The following IGFL2 variants were observed in gnomAD, a reference collection of about 807,000 sequenced individuals.
IGFL2 encodes the protein IGF like family member 2.
In IGFL2, 7 loss-of-function variants were observed where a neutral mutation model predicts 13.9. The ratio of observed to expected loss-of-function variants is 0.51; its 90% CI spans 0.29 to 0.95. IGFL2 has a LOEUF of 0.95. Among genes scored for constraint, IGFL2 ranks in the 40% least tolerant of loss-of-function variants. IGFL2 has a pLI of 0.08. For missense variants in IGFL2, 138 were observed against 147.8 expected (o/e 0.93, Z 0.34); for synonymous variants, 55 against 55.8 (o/e 0.99, Z 0.07).
chr19:46,169,704 C>A, the IGFL2 span, among the ~76,000 whole-genome samples: 8 of 151,876 alleles, frequency 5.3e-5, no homozygotes, highest in Non-Finnish European at 4.4e-5. Flanking sequence ...AAAAATCAAC[C>A]AGGTGTGGTG....
the IGFL2 span, among the ~76,000 whole-genome samples, chr19:46,177,884 A>G: frequency 6.6e-6 from 1 of 152,144 alleles, no homozygotes; most frequent in African/African-American, 2.4e-5. Flanking sequence ...AAATCTGAAA[A>G]ACTAAATTCC....
the IGFL2 span, among the ~76,000 whole-genome samples, chr19:46,130,886 C>T: frequency 6.6e-6 from 1 of 152,084 alleles, no homozygotes; most frequent in Admixed American, 6.5e-5. Context: ...GTTTGTTTCT[C>T]AGTAATGCTG....
the IGFL2 span, chr19:46,137,497 CCTT>C: frequency 1.7e-6 from 2 of 1,147,298 alleles, no homozygotes; most frequent in East Asian, 4.8e-5. Context: ...TGCCCCTTCT[CCTT>C]CTCTTGCCTG....
chr19:46,082,964 G>A, the IGFL2 span, among the ~76,000 whole-genome samples: 1 of 152,080 alleles, frequency 6.6e-6, no homozygotes, highest in Non-Finnish European at 1.5e-5. Context: ...GAAAACCTCC[G>A]ATAAACATGA....
At chr19:46,166,844 ATC>A in the IGFL2 span, among the ~76,000 whole-genome samples, 1 of 152,354 alleles carries the variant, frequency 6.6e-6, no homozygotes, top group East Asian at 1.9e-4. Flanking sequence ...GTTTAAGGTT[ATC>A]TCTCTTATTC....
downstream of IGFL2, among the ~76,000 whole-genome samples, chr19:46,163,031 C>T (rs567107081): frequency 2.0e-5 from 3 of 152,286 alleles, no homozygotes; most frequent in Non-Finnish European, 4.4e-5. Flanking sequence ...TTGAAACTGA[C>T]TTCTTGTCTC....
the IGFL2 span, among the ~76,000 whole-genome samples, chr19:46,170,864 A>T: frequency 1.3e-5 from 2 of 152,192 alleles, no homozygotes; most frequent in Admixed American, 6.5e-5. Context: ...GATGTTTATC[A>T]ATGACAATGT....
the IGFL2 span, chr19:46,181,196 G>T: frequency 8.6e-5 from 9 of 104,658 alleles, no homozygotes; most frequent in Non-Finnish European, 1.8e-4. Context: ...TGTGTTTTCT[G>T]TTTTATTTAT....
the IGFL2 span, among the ~76,000 whole-genome samples, chr19:46,203,890 T>C: frequency 6.6e-6 from 1 of 152,112 alleles, no homozygotes; most frequent in Non-Finnish European, 1.5e-5. Context: ...CTAATTTTTG[T>C]ATTTTTAGTA....
chr19:46,087,815 G>C, the IGFL2 span, among the ~76,000 whole-genome samples: 4 of 152,344 alleles, frequency 2.6e-5, no homozygotes, highest in African/African-American at 9.6e-5. Context: ...GGGAATGTCA[G>C]TTGGGCTCCA....
At chr19:46,165,029 G>T (rs1042351643), downstream of IGFL2, among the ~76,000 whole-genome samples, 3 of 152,192 alleles carry the variant, frequency 2.0e-5, no homozygotes, top group African/African-American at 7.2e-5. Flanking sequence ...GGGTATTGGT[G>T]TCTTTTTATT....
At chr19:46,123,507 G>T in the IGFL2 span, among the ~76,000 whole-genome samples, 1 of 150,946 alleles carries the variant, frequency 6.6e-6, no homozygotes, top group South Asian at 2.1e-4. Flanking sequence ...ATTGTTCCCT[G>T]CATATACATA....
At chr19:46,210,636 C>G in the IGFL2 span, among the ~76,000 whole-genome samples, 1 of 152,160 alleles carries the variant, frequency 6.6e-6, no homozygotes, top group Non-Finnish European at 1.5e-5. Context: ...AGGCTGGAAG[C>G]TAAGCCAGTC....
At chr19:46,175,760 C>T in the IGFL2 span, among the ~76,000 whole-genome samples, 38 of 150,810 alleles carry the variant, frequency 2.5e-4, 2 homozygotes, top group South Asian at 6.9e-3. Context: ...AGGCTGGTCT[C>T]GAACTCCTGA....
chr19:46,130,932 A>T, the IGFL2 span, among the ~76,000 whole-genome samples: 1 of 152,100 alleles, frequency 6.6e-6, no homozygotes, highest in Non-Finnish European at 1.5e-5. Flanking sequence ...TTAAATTTTT[A>T]TGCAGCAGTG....
chr19:46,136,480 T>C, the IGFL2 span, among the ~76,000 whole-genome samples: 1 of 152,022 alleles, frequency 6.6e-6, no homozygotes, highest in African/African-American at 2.4e-5. Flanking sequence ...GGGGAAAAAA[T>C]CACATGATAT....
the IGFL2 span, among the ~76,000 whole-genome samples, chr19:46,112,648 A>G: frequency 3.0e-4 from 45 of 152,360 alleles, no homozygotes; most frequent in Non-Finnish European, 2.9e-5. Flanking sequence ...GTTTGACCTT[A>G]GAACTTTCAA....
At chr19:46,128,284 T>C in the IGFL2 span, among the ~76,000 whole-genome samples, 1 of 152,232 alleles carries the variant, frequency 6.6e-6, no homozygotes, top group African/African-American at 2.4e-5. Flanking sequence ...TCATGTCATC[T>C]GCAAACAGGG....
At chr19:46,158,727 T>C (rs1319659709) in intron 1 of IGFL2, among the ~76,000 whole-genome samples, 2 of 152,188 alleles carry the variant, frequency 1.3e-5, no homozygotes, top group Non-Finnish European at 2.9e-5. Context: ...CTTGATCTTC[T>C]TAGGCTTTGT....
Sources: allele counts gnomAD v4.1 joint callset (sites outside exome capture counted in the v4.1 genomes callset), GRCh38; gene constraint gnomAD v4.1.1; transcripts MANE v1.5; gene names NCBI Gene and HGNC (gene_info 2026-07-23, HGNC 2026-07-21).